The following THSD7B variants were observed in gnomAD, a reference collection of about 807,000 sequenced individuals.
THSD7B encodes the protein thrombospondin type-1 domain-containing protein 7B.
THSD7B carries 138 observed loss-of-function variants against 213.6 expected under a neutral mutation model. The ratio of observed to expected loss-of-function variants is 0.65; its 90% CI spans 0.56 to 0.74. The LOEUF is 0.74. Among genes scored for constraint, THSD7B ranks in the 30% least tolerant of loss-of-function variants. The probability of loss-of-function intolerance (pLI) is 0.00; values close to 1 mark genes in which losing one functional copy is unlikely to be tolerated. For missense variants in THSD7B, 1,931 were observed against 1,991.5 expected (o/e 0.97, Z 0.58); for synonymous variants, 742 against 687.0 (o/e 1.08, Z -1.25).
At chr2:137,061,123 T>A (rs1170690677) in intron 3 of THSD7B, among the ~76,000 whole-genome samples, 1 of 151,894 alleles carries the variant, frequency 6.6e-6, no homozygotes, top group Non-Finnish European at 1.5e-5. Flanking sequence ...GGTATTGTGT[T>A]TTTAATTTCA....
intron 18 of THSD7B, among the ~76,000 whole-genome samples, chr2:137,618,013 A>G (rs1009018702): frequency 1.3e-5 from 2 of 152,200 alleles, no homozygotes; most frequent in Admixed American, 1.3e-4. Context: ...TCTGGAGCAT[A>G]GCAACTGGCA....
chr2:137,148,982 AG>A (rs770414610), intron 5 of THSD7B, among the ~76,000 whole-genome samples: 100 of 152,294 alleles, frequency 6.6e-4, no homozygotes, highest in Non-Finnish European at 1.2e-3. Context: ...ACTTTGTGGC[AG>A]CCCCTCCCAT....
chr2:137,283,497 CCA>C (rs1188308097), intron 12 of THSD7B, among the ~76,000 whole-genome samples: 17 of 152,240 alleles, frequency 1.1e-4, no homozygotes, highest in African/African-American at 4.1e-4. Context: ...GGGAATGCTT[CCA>C]GTTTTTGTCC....
chr2:137,380,095 C>T (rs949147160), intron 12 of THSD7B, among the ~76,000 whole-genome samples: 86 of 152,194 alleles, frequency 5.7e-4, no homozygotes, highest in Non-Finnish European at 2.2e-4. Flanking sequence ...GTTTAGAGCA[C>T]GTGTGTCCAT....
At chr2:137,651,811 G>A (rs904291411) in intron 21 of THSD7B, among the ~76,000 whole-genome samples, 5 of 151,430 alleles carry the variant, frequency 3.3e-5, no homozygotes, top group South Asian at 2.1e-4. Flanking sequence ...TAATTTATTC[G>A]TTGGTTATTC....
intron 15 of THSD7B, among the ~76,000 whole-genome samples, chr2:137,546,105 T>C (rs1469954553): frequency 6.6e-6 from 1 of 150,504 alleles, no homozygotes; most frequent in East Asian, 2.0e-4. Flanking sequence ...CTGAGAAATA[T>C]AAGAAAGACT....
chr2:137,404,926 T>A (rs1262973843), intron 12 of THSD7B, among the ~76,000 whole-genome samples: 1 of 152,006 alleles, frequency 6.6e-6, no homozygotes, highest in Non-Finnish European at 1.5e-5. Flanking sequence ...AGGTGATGGG[T>A]GTACCAGGTT....
At chr2:137,273,961 C>A (rs964073388) in intron 11 of THSD7B, among the ~76,000 whole-genome samples, 3 of 152,116 alleles carry the variant, frequency 2.0e-5, no homozygotes, top group South Asian at 2.1e-4. Context: ...CAGATAAAAT[C>A]AAAAAACTAT....
intron 17 of THSD7B, among the ~76,000 whole-genome samples, chr2:137,579,749 G>A (rs537699548): frequency 3.6e-4 from 55 of 152,210 alleles, no homozygotes; most frequent in Non-Finnish European, 5.4e-4. Context: ...TTGGAATTCA[G>A]TACTTTCAAG....
chr2:137,371,906 G>C (rs372139823), intron 12 of THSD7B, among the ~76,000 whole-genome samples: 76 of 152,020 alleles, frequency 5.0e-4, no homozygotes, highest in African/African-American at 1.8e-3. Context: ...CTTTTCATTC[G>C]CAAAGTTTTC....
chr2:137,137,346 A>G (rs1573846396), intron 5 of THSD7B, among the ~76,000 whole-genome samples: 1 of 152,112 alleles, frequency 6.6e-6, no homozygotes, highest in East Asian at 1.9e-4. Flanking sequence ...AGGTTAGTTT[A>G]TTCTGTTCTA....
intron 12 of THSD7B, among the ~76,000 whole-genome samples, chr2:137,380,755 A>C (rs1323255894): frequency 6.6e-6 from 1 of 152,250 alleles, no homozygotes; most frequent in Non-Finnish European, 1.5e-5. Context: ...AAGCCAAGGC[A>C]GACATCCAGT....
intron 14 of THSD7B, among the ~76,000 whole-genome samples, chr2:137,423,662 T>C (rs1337707816): frequency 6.6e-6 from 1 of 152,102 alleles, no homozygotes; most frequent in Non-Finnish European, 1.5e-5. Flanking sequence ...AAGACCTAAA[T>C]TAATGGAAAG....
At chr2:136,958,760 A>T (rs1685167864) in intron 2 of THSD7B, among the ~76,000 whole-genome samples, 1 of 152,246 alleles carries the variant, frequency 6.6e-6, no homozygotes, top group Non-Finnish European at 1.5e-5. Context: ...TCAGTTGATT[A>T]GATCAAGCTT....
At chr2:136,886,850 T>C (rs1246431826) in intron 2 of THSD7B, among the ~76,000 whole-genome samples, 1 of 152,132 alleles carries the variant, frequency 6.6e-6, no homozygotes, top group African/African-American at 2.4e-5. Flanking sequence ...TTTGATTCTG[T>C]TAGAAATTCT....
At chr2:137,116,747 A>G (rs1048473198) in intron 5 of THSD7B, among the ~76,000 whole-genome samples, 4 of 152,164 alleles carry the variant, frequency 2.6e-5, no homozygotes, top group Non-Finnish European at 5.9e-5. Context: ...AATTAGCAGG[A>G]AAGTGGAAGT....
At chr2:137,597,625 A>G (rs1681988204) in intron 17 of THSD7B, among the ~76,000 whole-genome samples, 1 of 152,124 alleles carries the variant, frequency 6.6e-6, no homozygotes, top group African/African-American at 2.4e-5. Flanking sequence ...TATAGTCAGG[A>G]CAACTGGAGG....
intron 15 of THSD7B, among the ~76,000 whole-genome samples, chr2:137,531,201 G>T (rs1446639147): frequency 6.6e-6 from 1 of 152,044 alleles, no homozygotes; most frequent in East Asian, 1.9e-4. Flanking sequence ...TTCCTGTGAA[G>T]AATAGCACTC....
chr2:137,566,275 TGAGTC>T (rs1033336645), intron 16 of THSD7B, among the ~76,000 whole-genome samples: 1 of 152,212 alleles, frequency 6.6e-6, no homozygotes, highest in Non-Finnish European at 1.5e-5. Context: ...ATAATGTCAT[TGAGTC>T]GAATTTGGTC....
Sources: allele counts gnomAD v4.1 joint callset (sites outside exome capture counted in the v4.1 genomes callset), GRCh38; gene constraint gnomAD v4.1.1; transcripts MANE v1.5; gene names NCBI Gene and HGNC (gene_info 2026-07-23, HGNC 2026-07-21).